NEMP2: variants seen among roughly 807,000 people sequenced by gnomAD.
The protein encoded by NEMP2 is UPF0571 transmembrane protein.
A neutral mutation model predicts 54.2 loss-of-function variants in NEMP2; 53 were observed. That is an observed-to-expected ratio of 0.98 (90% confidence interval 0.78 to 1.23). NEMP2 has a LOEUF of 1.23. Among genes scored for constraint, NEMP2 ranks in the 50% most tolerant of loss-of-function variants. NEMP2 has a pLI of 0.00. For synonymous variants in NEMP2, 197 were observed against 190.3 expected (o/e 1.04, Z -0.29); for missense variants, 455 against 511.3 (o/e 0.89, Z 1.06).
At chr2:190,422,488 G>A in the NEMP2 span, among the ~76,000 whole-genome samples, 2 of 152,188 alleles carry the variant, frequency 1.3e-5, no homozygotes, top group Admixed American at 6.5e-5. Flanking sequence ...GAAATTGCAT[G>A]TGTAAAATGT....
the NEMP2 span, chr2:190,497,776 G>A: frequency 6.5e-7 from 1 of 1,530,368 alleles, no homozygotes; most frequent in Admixed American, 1.9e-5. This position sits in a 1 kb window ranked among gnomAD's most constrained non-coding sequence, Gnocchi z 5.2. Context: ...ACCTTAACTG[G>A]GCTCAGTTTT....
At chr2:190,627,540 A>C in the NEMP2 span, among the ~76,000 whole-genome samples, 1 of 151,972 alleles carries the variant, frequency 6.6e-6, no homozygotes, top group Non-Finnish European at 1.5e-5. The surrounding 1 kb of genome is among the most constrained non-coding windows in gnomAD (Gnocchi z 4.4). Context: ...GTAATAACAT[A>C]TTCATATTAC....
the NEMP2 span, among the ~76,000 whole-genome samples, chr2:190,614,246 T>G: frequency 1.3e-5 from 2 of 152,190 alleles, no homozygotes; most frequent in Non-Finnish European, 2.9e-5. This position sits in a 1 kb window ranked among gnomAD's most constrained non-coding sequence, Gnocchi z 5.7. Flanking sequence ...GACCATGTGG[T>G]GCTTTTACAG....
At chr2:190,646,700 C>G in the NEMP2 span, 1 of 152,214 alleles carries the variant, frequency 6.6e-6, no homozygotes, top group African/African-American at 2.4e-5. Context: ...CACTGTTTAA[C>G]TGTAGAAACC....
chr2:190,629,494 G>A, the NEMP2 span, among the ~76,000 whole-genome samples: 1 of 152,112 alleles, frequency 6.6e-6, no homozygotes, highest in Non-Finnish European at 1.5e-5. Flanking sequence ...AAGCTTGGTT[G>A]GAAGAATGAT....
rs1349292316 is a variant in NEMP2 at position 190,529,707 on chromosome 2, T to G, written c.98-4329A>C. 6.6e-6 allele frequency among the ~76,000 whole-genome samples: 1 copy of G among 152,218 alleles called. No homozygotes were observed. The highest frequency in any genetic ancestry group is 2.4e-5 in the African/African-American group (1 of 41,458). On this transcript the variant is annotated intron_variant, in intron 1 of 8. Transcript: ENST00000409150. This position sits in a 1 kb window ranked among gnomAD's most constrained non-coding sequence, Gnocchi z 4.7. ...GGTTCAAGAGGACTAGTGGGTTATT[T>G]AGGCATGTGTGGCCTACCAATGGAA...
At chr2:190,500,162 C>T, downstream of NEMP2, 1 of 1,614,140 alleles carries the variant, frequency 6.2e-7, no homozygotes, top group Non-Finnish European at 8.5e-7. This position sits in a 1 kb window ranked among gnomAD's most constrained non-coding sequence, Gnocchi z 5.3. Flanking sequence ...CAGTGTGGAC[C>T]CGTGCACAGA....
At chr2:190,604,815 C>T in the NEMP2 span, among the ~76,000 whole-genome samples, 1 of 152,154 alleles carries the variant, frequency 6.6e-6, no homozygotes, top group Non-Finnish European at 1.5e-5. This position sits in a 1 kb window ranked among gnomAD's most constrained non-coding sequence, Gnocchi z 4.5. Context: ...GTCATGCCTC[C>T]TGTATCATTT....
chr2:190,476,640 G>C, the NEMP2 span, among the ~76,000 whole-genome samples: 45,367 of 152,048 alleles, frequency 0.3, 7,510 homozygotes, highest in East Asian at 0.46. Flanking sequence ...GTGGAAGTCA[G>C]TGTGGCGATT....
downstream of NEMP2, chr2:190,500,735 G>A (rs1689986019): frequency 6.5e-6 from 1 of 152,834 alleles, no homozygotes; most frequent in Non-Finnish European, 1.5e-5. The surrounding 1 kb of genome is among the most constrained non-coding windows in gnomAD (Gnocchi z 5.3). Context: ...AGTAGCACAT[G>A]TGCTTTTGTT....
chr2:190,447,536 T>C, the NEMP2 span, among the ~76,000 whole-genome samples: 2 of 152,242 alleles, frequency 1.3e-5, no homozygotes, highest in Non-Finnish European at 2.9e-5. The surrounding 1 kb of genome is among the most constrained non-coding windows in gnomAD (Gnocchi z 4.5). Flanking sequence ...CCTAGTGATA[T>C]AAAGAAGCCA....
chr2:190,533,581 C>T lies in NEMP2; in HGVS notation c.97+978G>A, dbSNP rs954763375. On this transcript the variant is annotated intron_variant, in intron 1 of 8. Transcript: ENST00000409150. The surrounding 1 kb of genome is among the most constrained non-coding windows in gnomAD (Gnocchi z 4.3). ...CCTCAGTTGGGAGCTGTGGCAGAAT[C>T]TGATAATGACCTCATCAACATCCAG... 1.3e-5 allele frequency among the ~76,000 whole-genome samples: 2 copies of T among 152,168 alleles called. No individual in the cohort carries two copies. Among genetic ancestry groups the T allele is most frequent in the African/African-American group, 4.8e-5 (2 of 41,448 alleles).
the NEMP2 span, chr2:190,436,059 G>A: frequency 8.7e-6 from 14 of 1,613,456 alleles, no homozygotes; most frequent in East Asian, 4.5e-5. The surrounding 1 kb of genome is among the most constrained non-coding windows in gnomAD (Gnocchi z 5.3). Flanking sequence ...CTATCTTAAC[G>A]GATGATGAAG....
chr2:190,563,321 C>G, the NEMP2 span, among the ~76,000 whole-genome samples: 1 of 152,110 alleles, frequency 6.6e-6, no homozygotes, highest in East Asian at 1.9e-4. This position sits in a 1 kb window ranked among gnomAD's most constrained non-coding sequence, Gnocchi z 4.3. Context: ...TGTTTGTTCT[C>G]CCACAAACCC....
chr2:190,617,643 TA>T, the NEMP2 span, among the ~76,000 whole-genome samples: 1 of 152,242 alleles, frequency 6.6e-6, no homozygotes, highest in African/African-American at 2.4e-5. The surrounding 1 kb of genome is among the most constrained non-coding windows in gnomAD (Gnocchi z 5.0). Flanking sequence ...TTATACTGTC[TA>T]AATCCTCAGA....
chr2:190,549,519 C>T, the NEMP2 span, among the ~76,000 whole-genome samples: 3 of 152,116 alleles, frequency 2.0e-5, no homozygotes, highest in Non-Finnish European at 4.4e-5. Context: ...TTAATTGGTT[C>T]CTTTTCATCC....
chr2:190,524,173 C>A (rs1690850911), intron 2 of NEMP2, among the ~76,000 whole-genome samples: 1 of 152,012 alleles, frequency 6.6e-6, no homozygotes, highest in South Asian at 2.1e-4. Flanking sequence ...ACCAAGATCG[C>A]ACCAATGCAC....
chr2:190,545,364 C>A, the NEMP2 span, among the ~76,000 whole-genome samples: 1 of 152,018 alleles, frequency 6.6e-6, no homozygotes, highest in Non-Finnish European at 1.5e-5. Context: ...TCTCTTTTTT[C>A]CCCCCACTGG....
At chr2:190,432,821 C>T in the NEMP2 span, among the ~76,000 whole-genome samples, 5,030 of 151,320 alleles carry the variant, frequency 0.033, 118 homozygotes, top group Non-Finnish European at 0.056. Flanking sequence ...CTGCCACCCC[C>T]GCCCCCCAAC....
Sources: gnomAD v4.1 joint callset for allele counts (sites outside exome capture counted in the v4.1 genomes callset) on GRCh38, gnomAD v4.1.1 for gene constraint, Gnocchi (gnomAD v3.1) non-coding constraint, MANE v1.5 for transcripts, NCBI Gene and HGNC (gene_info 2026-07-23, HGNC 2026-07-21) for gene names.